The following CLIC5 variants were observed in gnomAD, a reference collection of about 807,000 sequenced individuals.
CLIC5 encodes the protein CLIC family member 5.
In CLIC5, 20 loss-of-function variants were observed where a neutral mutation model predicts 24.7. The ratio of observed to expected loss-of-function variants is 0.81; its 90% CI spans 0.57 to 1.18. The LOEUF is 1.18. CLIC5 is among the 50% of genes most tolerant of loss of function. The pLI is 0.00. For synonymous variants in CLIC5, 159 were observed against 135.6 expected (o/e 1.17, Z -1.20); for missense variants, 341 against 326.1 (o/e 1.05, Z -0.35).
At chr6:45,906,204 G>A (rs1268052169) in intron 5 of CLIC5, among the ~76,000 whole-genome samples, 2 of 152,054 alleles carry the variant, frequency 1.3e-5, no homozygotes, top group African/African-American at 4.8e-5. Flanking sequence ...GCTCATTTTT[G>A]GTTCCACACG....
Position 46,040,342 on chromosome 6 carries a change from G to A in CLIC5, c.540+39361C>T, listed in dbSNP as rs116129581. ...AGTGTTAATAATGGTGATAATAGCT[G>A]ATCATGGTGATGGCATTGGTGGAGG... is the stretch of plus-strand genomic sequence containing the variant. On this transcript the variant is annotated intron_variant, in intron 1 of 5. Coordinates refer to the CLIC5 transcript ENST00000185206. Among the ~76,000 whole-genome samples the A allele has an allele frequency of 5.5e-3, 838 of 152,296 alleles. 4 individuals carry two copies. Among genetic ancestry groups the A allele is most frequent in the African/African-American group, 0.018 (760 of 41,568 alleles).
Position 45,983,696 on chromosome 6 carries a change from T to C in CLIC5, c.64-28452A>G, listed in dbSNP as rs181031045. Among the ~76,000 whole-genome samples, 100 of 152,316 alleles carry C rather than the reference T, an allele frequency of 6.6e-4. 1 individual carries two copies. In the East Asian group the frequency reaches 0.018, roughly 27 times the overall value. Reference sequence around the variant, plus strand: ...AGACAACCCTTCATTCATTCATTCATTTAAATGTATGCACACATCCATTCA... The same window carrying C: ...AGACAACCCTTCATTCATTCATTCACTTAAATGTATGCACACATCCATTCA... On this transcript the variant is annotated intron_variant, in intron 1 of 5. Coordinates refer to ENST00000339561, the MANE Select transcript of CLIC5 (RefSeq NM_016929.5).
intron 6 of CLIC5, among the ~76,000 whole-genome samples, chr6:45,887,385 C>A (rs1762313654): frequency 6.6e-6 from 1 of 152,178 alleles, no homozygotes; most frequent in African/African-American, 2.4e-5. Flanking sequence ...CAATTTCTAC[C>A]TCTGTCTTCA....
At chr6:45,960,535 C>T (rs6940149) in intron 1 of CLIC5, among the ~76,000 whole-genome samples, 3,167 of 152,210 alleles carry the variant, frequency 0.021, 119 homozygotes, top group African/African-American at 0.073. Flanking sequence ...TGTGAGGGCA[C>T]GCAGTGGAGC....
At chr6:46,079,495 C>T (rs954975363) in intron 1 of CLIC5, among the ~76,000 whole-genome samples, 3 of 152,228 alleles carry the variant, frequency 2.0e-5, no homozygotes, top group African/African-American at 2.4e-5. Flanking sequence ...TGATTAAATA[C>T]GTGCTTTAAA....
chr6:45,938,185 T>G (rs1362743003), intron 4 of CLIC5, among the ~76,000 whole-genome samples: 1 of 152,198 alleles, frequency 6.6e-6, no homozygotes, highest in East Asian at 1.9e-4. Flanking sequence ...TGAATGCTGA[T>G]GCTCTTGGGG....
intron 4 of CLIC5, among the ~76,000 whole-genome samples, chr6:45,921,776 C>G (rs1200271727): frequency 6.6e-6 from 1 of 152,186 alleles, no homozygotes; most frequent in Non-Finnish European, 1.5e-5. Flanking sequence ...GGAAGCATCT[C>G]TTTGGGTTTG....
At chr6:45,904,398 C>T (rs536047400) in intron 5 of CLIC5, among the ~76,000 whole-genome samples, 4 of 151,918 alleles carry the variant, frequency 2.6e-5, no homozygotes, top group Admixed American at 1.3e-4. Flanking sequence ...TCTCTAGCTG[C>T]GGCAGCTTCA....
At chr6:46,074,800 C>T (rs1005104332) in intron 1 of CLIC5, among the ~76,000 whole-genome samples, 1 of 152,178 alleles carries the variant, frequency 6.6e-6, no homozygotes, top group Non-Finnish European at 1.5e-5. Context: ...GAGTTGGAGC[C>T]ATACACCTTG....
the CLIC5 span, among the ~76,000 whole-genome samples, chr6:46,104,594 A>T: frequency 2.0e-5 from 3 of 150,712 alleles, no homozygotes; most frequent in Non-Finnish European, 2.9e-5. Flanking sequence ...AGGAAACACC[A>T]CTTTGTTCCA....
intron 1 of CLIC5, among the ~76,000 whole-genome samples, chr6:45,976,240 G>A (rs1765380423): frequency 6.6e-6 from 1 of 152,212 alleles, no homozygotes; most frequent in Non-Finnish European, 1.5e-5. Context: ...TCAACAATAT[G>A]TTTTTCATGT....
chr6:46,007,679 AT>A (rs1471782053), intron 1 of CLIC5, among the ~76,000 whole-genome samples: 1 of 152,136 alleles, frequency 6.6e-6, no homozygotes, highest in South Asian at 2.1e-4. Flanking sequence ...TTAAACCCAC[AT>A]AGCGTATATC....
At chr6:45,971,720 A>G (rs939250430) in intron 1 of CLIC5, among the ~76,000 whole-genome samples, 1 of 152,240 alleles carries the variant, frequency 6.6e-6, no homozygotes, top group Non-Finnish European at 1.5e-5. Context: ...GAAAATTCTG[A>G]GGTCTCAACT....
chr6:46,066,964 A>G (rs975097499), intron 1 of CLIC5, among the ~76,000 whole-genome samples: 1 of 152,142 alleles, frequency 6.6e-6, no homozygotes, highest in Non-Finnish European at 1.5e-5. Context: ...GAGGTAGAGC[A>G]TGGTGGGAGA....
intron 4 of CLIC5, among the ~76,000 whole-genome samples, chr6:45,938,403 A>C (rs1764014897): frequency 6.6e-6 from 1 of 152,174 alleles, no homozygotes; most frequent in Non-Finnish European, 1.5e-5. Flanking sequence ...GGTGGGAGGA[A>C]GGACAAGTAA....
chr6:46,011,741 GCTTT>G (rs1409453438), intron 1 of CLIC5, among the ~76,000 whole-genome samples: 3 of 152,140 alleles, frequency 2.0e-5, no homozygotes, highest in African/African-American at 7.2e-5. Context: ...TTTTCAAATT[GCTTT>G]CTGTTTTGCT....
the CLIC5 span, among the ~76,000 whole-genome samples, chr6:46,111,181 CTTT>C: frequency 7.0e-6 from 1 of 143,138 alleles, no homozygotes. Context: ...CAAACCTGTC[CTTT>C]TTTTTTTTTT....
chr6:45,934,309 C>T (rs1026499685), intron 4 of CLIC5: 11 of 152,108 alleles, frequency 7.2e-5, no homozygotes, highest in African/African-American at 2.4e-4. Context: ...TTATGCATCC[C>T]TGGGAGTAGC....
intron 1 of CLIC5, among the ~76,000 whole-genome samples, chr6:46,000,268 C>T (rs1275640533): frequency 2.0e-5 from 3 of 152,120 alleles, no homozygotes; most frequent in Non-Finnish European, 4.4e-5. Context: ...CTAACCTCCA[C>T]GTTGTTTGGA....
Sources: gnomAD v4.1 joint callset for allele counts (sites outside exome capture counted in the v4.1 genomes callset) on GRCh38, gnomAD v4.1.1 for gene constraint, MANE v1.5 for transcripts, NCBI Gene and HGNC (gene_info 2026-07-23, HGNC 2026-07-21) for gene names.